The following DACH2 variants were observed in gnomAD, a reference collection of about 807,000 sequenced individuals.
DACH2 encodes the protein dachshund family transcription factor 2.
A neutral mutation model predicts 35.8 loss-of-function variants in DACH2; 17 were observed. That is an observed-to-expected ratio of 0.48 (90% CI 0.33 to 0.71). The LOEUF (loss-of-function observed/expected upper bound fraction) is 0.71. Ranked by LOEUF, DACH2 falls within the 30% of genes least tolerant of loss-of-function variation. DACH2 has a pLI of 0.02. For missense variants in DACH2, 469 were observed against 472.7 expected, an observed-to-expected ratio of 0.99 and a Z score of 0.07; for synonymous variants, 195 against 177.3, an observed-to-expected ratio of 1.10 and a Z score of -0.79.
intron 3 of DACH2, among the ~76,000 whole-genome samples, chrX:86,646,185 C>T (rs1033535597): frequency 9.0e-6 from 1 of 111,256 alleles, no homozygotes; most frequent in Non-Finnish European, 1.9e-5. Flanking sequence ...TGCAACAAGT[C>T]AGAAATGAAA....
chrX:86,712,521 T>C (rs2041290969), intron 5 of DACH2, among the ~76,000 whole-genome samples: 2 of 110,313 alleles, frequency 1.8e-5, no homozygotes, highest in South Asian at 3.8e-4. Flanking sequence ...TGTGTATATA[T>C]ATATGTGTGT....
intron 1 of DACH2, among the ~76,000 whole-genome samples, chrX:86,290,755 G>C (rs1335573532): frequency 1.0e-5 from 1 of 95,346 alleles, no homozygotes; most frequent in Non-Finnish European, 2.0e-5. Context: ...TTATTTCTGA[G>C]GGCTCTGTTC....
At chrX:86,223,922 T>C (rs2032767236) in intron 1 of DACH2, among the ~76,000 whole-genome samples, 1 of 112,254 alleles carries the variant, frequency 8.9e-6, no homozygotes, top group Non-Finnish European at 1.9e-5. Context: ...TCTTGAGAAG[T>C]AGAAACTTGG....
intron 7 of DACH2, among the ~76,000 whole-genome samples, chrX:86,794,862 G>A (rs1308178018): frequency 1.8e-5 from 2 of 111,549 alleles, no homozygotes; most frequent in Non-Finnish European, 3.8e-5. Context: ...TGGTAGGTAA[G>A]GTTAGATGGT....
At chrX:86,496,054 T>A (rs1017039827) in intron 2 of DACH2, among the ~76,000 whole-genome samples, 8 of 111,233 alleles carry the variant, frequency 7.2e-5, no homozygotes, top group African/African-American at 2.6e-4. Context: ...ATAATAAGTG[T>A]GACGTGCTTA....
intron 1 of DACH2, among the ~76,000 whole-genome samples, chrX:86,196,692 CAAAAAAA>C (rs56268300): frequency 2.9e-4 from 8 of 27,372 alleles, no homozygotes; most frequent in Admixed American, 1.6e-3. Flanking sequence ...GACTCCATCT[CAAAAAAA>C]AAAAAAAAAA....
At chrX:86,272,540 A>G (rs970348744) in intron 1 of DACH2, among the ~76,000 whole-genome samples, 6 of 111,743 alleles carry the variant, frequency 5.4e-5, no homozygotes, top group African/African-American at 1.9e-4. Flanking sequence ...CATTACTAAG[A>G]TAATTTTAGA....
chrX:86,338,313 G>A (rs2035353341), intron 1 of DACH2, among the ~76,000 whole-genome samples: 1 of 111,438 alleles, frequency 9.0e-6, no homozygotes, highest in Non-Finnish European at 1.9e-5. Context: ...CACATAATTG[G>A]AAGTAAAACA....
chrX:86,556,708 G>T (rs1192661112), intron 3 of DACH2, among the ~76,000 whole-genome samples: 1 of 95,205 alleles, frequency 1.1e-5, no homozygotes, highest in Non-Finnish European at 2.1e-5. Context: ...TTAGGTGAGA[G>T]ATGTGTATTA....
chrX:86,324,269 A>G (rs1275262470), intron 1 of DACH2, among the ~76,000 whole-genome samples: 1 of 111,937 alleles, frequency 8.9e-6, no homozygotes, highest in Non-Finnish European at 1.9e-5. Context: ...TATGTGACTG[A>G]ATTGCTGCAA....
intron 5 of DACH2, among the ~76,000 whole-genome samples, chrX:86,709,725 G>A (rs2041257301): frequency 8.9e-6 from 1 of 111,782 alleles, no homozygotes; most frequent in Non-Finnish European, 1.9e-5. Flanking sequence ...ATTAAAAAGT[G>A]GACAAAAGTC....
At chrX:86,325,010 A>G (rs539475677) in intron 1 of DACH2, among the ~76,000 whole-genome samples, 2 of 111,386 alleles carry the variant, frequency 1.8e-5, no homozygotes, top group Non-Finnish European at 3.8e-5. Context: ...ATTAAGATAC[A>G]TACATGGTTT....
intron 2 of DACH2, among the ~76,000 whole-genome samples, chrX:86,386,486 C>T (rs770559373): frequency 3.5e-4 from 38 of 110,014 alleles, no homozygotes; most frequent in Non-Finnish European, 6.6e-4. Flanking sequence ...CTTTGGAAAG[C>T]ACTCACTGTG....
chrX:86,267,795 G>C (rs944844133), intron 1 of DACH2, among the ~76,000 whole-genome samples: 4 of 111,936 alleles, frequency 3.6e-5, no homozygotes, highest in Admixed American at 9.5e-5. Context: ...CCTGGCTTAG[G>C]CTTAGTGTCC....
At chrX:86,655,974 C>T (rs146546871) in intron 4 of DACH2, among the ~76,000 whole-genome samples, 240 of 109,610 alleles carry the variant, frequency 2.2e-3, no homozygotes, top group African/African-American at 7.4e-3. Context: ...TGCCTCCAGA[C>T]CAAGGAGTAT....
At chrX:86,430,272 T>C (rs760297397) in intron 2 of DACH2, among the ~76,000 whole-genome samples, 23 of 112,444 alleles carry the variant, frequency 2.0e-4, no homozygotes, top group Admixed American at 5.6e-4. Flanking sequence ...TTTTGAAATA[T>C]GGCTAGACAA....
intron 1 of DACH2, among the ~76,000 whole-genome samples, chrX:86,237,002 A>C (rs1157367328): frequency 8.9e-6 from 1 of 112,706 alleles, no homozygotes; most frequent in Non-Finnish European, 1.9e-5. Context: ...AATTGTACAA[A>C]AATATTTTCT....
chrX:86,239,354 C>T (rs935719519), intron 1 of DACH2, among the ~76,000 whole-genome samples: 29 of 111,308 alleles, frequency 2.6e-4, no homozygotes, highest in African/African-American at 9.1e-4. Flanking sequence ...CCTTTTTACC[C>T]CATTTTAGAT....
intron 3 of DACH2, among the ~76,000 whole-genome samples, chrX:86,550,097 A>G (rs1054019448): frequency 9.0e-6 from 1 of 111,479 alleles, no homozygotes; most frequent in Non-Finnish European, 1.9e-5. Flanking sequence ...TCACTTCTGA[A>G]TGCAAAATGT....
Sources: allele counts gnomAD v4.1 joint callset (sites outside exome capture counted in the v4.1 genomes callset), GRCh38; gene constraint gnomAD v4.1.1; transcripts MANE v1.5; gene names NCBI Gene and HGNC (gene_info 2026-07-23, HGNC 2026-07-21).